GALNT7: variants seen among roughly 807,000 people sequenced by gnomAD.
GALNT7 encodes the protein N-acetylgalactosaminyltransferase 7.
In GALNT7, 60 loss-of-function variants were observed where a neutral mutation model predicts 82.1. That is an observed-to-expected ratio of 0.73 (90% CI 0.59 to 0.91). GALNT7 has a LOEUF of 0.91. Among genes scored for constraint, GALNT7 ranks in the 40% least tolerant of loss-of-function variants. The pLI, the probability that GALNT7 is intolerant of heterozygous loss-of-function variation, is 0.00. For missense variants in GALNT7, 660 were observed against 804.2 expected (o/e 0.82, Z 2.17); for synonymous variants, 243 against 275.1 (o/e 0.88, Z 1.15).
At chr4:173,182,386 A>G (rs531852764) in intron 1 of GALNT7, among the ~76,000 whole-genome samples, 5 of 152,104 alleles carry the variant, frequency 3.3e-5, no homozygotes, top group Non-Finnish European at 5.9e-5. Context: ...TTTTCCTACT[A>G]TTCCTTTAAT....
rs1391311268 is a variant in GALNT7, at chr4:173,227,603, T to C, written c.127-20377T>C. 2.0e-5 allele frequency among the ~76,000 whole-genome samples: 3 copies of C among 152,174 alleles called. No individual in the cohort carries two copies. The East Asian group carries it at 5.8e-4, about 29-fold the overall frequency. ...ACTTCGGCCTCCCAAAGTGTTGGGA[T>C]TACAGGCCTGAGCCAACACTCCTGG... On this transcript the variant is annotated intron_variant, in intron 1 of 11. Transcript: ENST00000265000.
intron 2 of GALNT7, among the ~76,000 whole-genome samples, chr4:173,278,537 G>A (rs964751619): frequency 1.3e-5 from 2 of 152,146 alleles, no homozygotes; most frequent in African/African-American, 4.8e-5. Context: ...GAACCTGCTG[G>A]AACATGCACC....
chr4:173,213,991 T>C (rs1733361833), intron 1 of GALNT7, among the ~76,000 whole-genome samples: 1 of 152,168 alleles, frequency 6.6e-6, no homozygotes, highest in Non-Finnish European at 1.5e-5. Flanking sequence ...TGTATGTTTC[T>C]GAAATATTGG....
Position 173,197,063 on chromosome 4 carries a change from CT to C in GALNT7, c.126+28122del, listed in dbSNP as rs5864189. On this transcript the variant is annotated intron_variant, in intron 1 of 11. Transcript: ENST00000265000. ...TTAGATTCTCTATCTCTCTCTCTCCCTTTTTTTTTTTTTTTTTTTTGACAGG... is the reference window on the plus strand; with the variant it reads ...TTAGATTCTCTATCTCTCTCTCTCCCTTTTTTTTTTTTTTTTTTTGACAGG... Among the ~76,000 whole-genome samples, 1,007 of 117,928 alleles carry C rather than the reference CT, an allele frequency of 8.5e-3. 9 individuals are homozygous for C. Among genetic ancestry groups the C allele is most frequent in the African/African-American group, 0.031 (946 of 30,870 alleles). 77.4% of individuals were successfully genotyped at this position (117,928 alleles called of 152,430 possible).
chr4:173,195,504 T>C (rs928401478), intron 1 of GALNT7, among the ~76,000 whole-genome samples: 1 of 152,224 alleles, frequency 6.6e-6, no homozygotes, highest in African/African-American at 2.4e-5. Flanking sequence ...AGGGTCATGC[T>C]GCAAAGGAAC....
At chr4:173,295,606 T>G in intron 4 of GALNT7, 80 bp downstream of exon 4, 1 of 1,395,924 alleles carries the variant, frequency 7.2e-7, no homozygotes, top group South Asian at 1.2e-5. Context: ...CATTCTTCAG[T>G]TTTTTTAATT....
chr4:173,202,247 A>G (rs533032453), intron 1 of GALNT7, among the ~76,000 whole-genome samples: 74 of 152,342 alleles, frequency 4.9e-4, no homozygotes, highest in South Asian at 1.4e-3. Flanking sequence ...GCATAGCTCT[A>G]AAGAAGTTCA....
intron 1 of GALNT7, among the ~76,000 whole-genome samples, chr4:173,224,353 A>G (rs1330943502): frequency 6.6e-6 from 1 of 152,040 alleles, no homozygotes; most frequent in African/African-American, 2.4e-5. Flanking sequence ...TCACCTTCCA[A>G]TTTCCTGCCT....
chr4:173,178,505 T>G (rs72994583), intron 1 of GALNT7, among the ~76,000 whole-genome samples: 2,782 of 152,310 alleles, frequency 0.018, 82 homozygotes, highest in Admixed American at 0.066. Context: ...TTGCTTAATT[T>G]GCTAAGAATC....
At chr4:173,223,520 TATGC>T (rs1418766999) in intron 1 of GALNT7, among the ~76,000 whole-genome samples, 2 of 152,144 alleles carry the variant, frequency 1.3e-5, no homozygotes, top group Non-Finnish European at 2.9e-5. Flanking sequence ...TGCATTTTGT[TATGC>T]ATATTTTCTT....
At chr4:173,277,676 A>G (rs1452635415) in intron 2 of GALNT7, among the ~76,000 whole-genome samples, 2 of 152,234 alleles carry the variant, frequency 1.3e-5, no homozygotes, top group African/African-American at 4.8e-5. Flanking sequence ...TATGTATTCC[A>G]AGTGTTGTCT....
At chr4:173,240,910 CAG>C (rs1043326310) in intron 1 of GALNT7, among the ~76,000 whole-genome samples, 7 of 152,012 alleles carry the variant, frequency 4.6e-5, no homozygotes, top group African/African-American at 1.4e-4. Flanking sequence ...GGGTTAGAAA[CAG>C]GGGGATGGCT....
intron 10 of GALNT7, 72 bp from the exon 11 acceptor site, chr4:173,318,359 T>C (rs1203042350): frequency 2.0e-5 from 24 of 1,217,338 alleles, no homozygotes; most frequent in Non-Finnish European, 2.3e-5. Context: ...AGGAGTTAAG[T>C]TTCTTTCTTT....
chr4:173,244,339 G>C (rs1309622238), intron 1 of GALNT7, among the ~76,000 whole-genome samples: 1 of 152,222 alleles, frequency 6.6e-6, no homozygotes, highest in Admixed American at 6.5e-5. Context: ...CTTGAGGAGT[G>C]TGTATTCTCC....
At chr4:173,272,724 AT>A (rs1396573412) in intron 2 of GALNT7, among the ~76,000 whole-genome samples, 1 of 152,252 alleles carries the variant, frequency 6.6e-6, no homozygotes, top group African/African-American at 2.4e-5. Flanking sequence ...AACATCTCAT[AT>A]GTATCAATTA....
At chr4:173,308,194 T>C (rs1213442911) in intron 8 of GALNT7, among the ~76,000 whole-genome samples, 1 of 152,224 alleles carries the variant, frequency 6.6e-6, no homozygotes, top group Non-Finnish European at 1.5e-5. Context: ...TATTTGGGTT[T>C]GTGAATAGGT....
chr4:173,199,161 A>G (rs1445195915), intron 1 of GALNT7, among the ~76,000 whole-genome samples: 1 of 152,260 alleles, frequency 6.6e-6, no homozygotes, highest in Non-Finnish European at 1.5e-5. Context: ...TATGTGCCAC[A>G]GACACAGAGA....
intron 1 of GALNT7, among the ~76,000 whole-genome samples, chr4:173,239,561 A>AAAAC (rs376982597): frequency 6.6e-6 from 1 of 152,224 alleles, no homozygotes; most frequent in South Asian, 2.1e-4. Context: ...TAAACAAAAC[A>AAAAC]AAACAAACAA....
intron 1 of GALNT7, among the ~76,000 whole-genome samples, chr4:173,205,457 G>A (rs1336263369): frequency 6.6e-6 from 1 of 152,158 alleles, no homozygotes; most frequent in Admixed American, 6.5e-5. Context: ...GCTGGAGCAT[G>A]GGGCTGCAGG....
Sources: allele counts gnomAD v4.1 joint callset (sites outside exome capture counted in the v4.1 genomes callset), GRCh38; gene constraint gnomAD v4.1.1; transcripts MANE v1.5; gene names NCBI Gene and HGNC (gene_info 2026-07-23, HGNC 2026-07-21).